Variants in VAT1 observed in about 807,000 individuals in gnomAD.
VAT1 encodes NADPH-dependent quinone oxidoreductase VAT1.
VAT1 carries 24 observed loss-of-function variants against 33.3 expected under a neutral mutation model. The ratio of observed to expected loss-of-function variants is 0.72; its 90% CI spans 0.52 to 1.01. The LOEUF (loss-of-function observed/expected upper bound fraction) is 1.01, where lower values mean the gene tolerates loss of function less well. Ranked by LOEUF, VAT1 falls within the 50% of genes least tolerant of loss-of-function variation. The pLI, the probability that VAT1 is intolerant of heterozygous loss-of-function variation, is 0.00. For synonymous variants in VAT1, 212 were observed against 225.0 expected (o/e 0.94, Z 0.52); for missense variants, 436 against 533.7 (o/e 0.82, Z 1.80).
intron 1 of VAT1, among the ~76,000 whole-genome samples, chr17:43,019,717 G>T (rs2050550971): frequency 6.6e-6 from 1 of 152,284 alleles, no homozygotes; most frequent in Middle Eastern, 3.4e-3. Context: ...TCAAGGGAAG[G>T]GCAGGGAAAA....
At chr17:43,018,520 C>T in intron 2 of VAT1, 72 bp downstream of exon 2, 2 of 1,539,806 alleles carry the variant, frequency 1.3e-6, no homozygotes, top group Admixed American at 1.8e-5. Context: ...ACAACCCAGA[C>T]AGGCTGCAGG....
At chr17:43,017,582 C>A (rs79475875) in intron 4 of VAT1, among the ~76,000 whole-genome samples, 8 of 66,462 alleles carry the variant, frequency 1.2e-4, no homozygotes, top group Admixed American at 3.5e-4. Context: ...AACTCCATCT[C>A]AAAAAAAAAA....
In VAT1 at chr17:43,022,191, C is replaced by T. The variant is rs61737611; in HGVS notation, c.132G>A (p.Ser44=). Residue 44 remains serine, a synonymous_variant, in exon 1 of 6, where the codon TCG becomes TCA. Transcript: ENST00000355653. ...ASEGAAAAAA[S]PPLLRCLVLT... is the part of the protein sequence containing the mutation. ...GCACTAGGCAGCGCAGCAGTGGCGG[C>T]GAGGCGGCGGCGGCGGCGGCCCCTT... is the stretch of plus-strand genomic sequence containing the variant. The T allele has an allele frequency of 2.0e-3, 3,072 of 1,557,324 alleles. 46 individuals are homozygous for T. In the African/African-American group the frequency reaches 0.037, roughly 19 times the overall value.
rs749463017 is a variant in VAT1 at position 43,016,444 on chromosome 17, G to A, written c.961C>T (p.Arg321Trp). The A allele has an allele frequency of 2.0e-5, 33 of 1,614,050 alleles. No individual in the cohort carries two copies. The highest frequency in any genetic ancestry group is 1.8e-4 in the Admixed American group (11 of 60,004). Residue 321 changes from arginine to tryptophan, a missense_variant, in exon 5 of 6, where the codon CGG becomes TGG. This residue lies in a region of VAT1 where 282 missense variants were observed against 405.4 expected (regional missense o/e 0.70). Coordinates refer to ENST00000355653, the MANE Select transcript of VAT1 (RefSeq NM_006373.4). The stretch of plus-strand genomic sequence containing the variant: ...CCCAGGTGGAAGCCACACACAGCCC[G>A]GTTGGCCTGCAGCAGCTGCAGAGCT... ...VTALQLLQAN[R>W]AVCGFHLGYL... is the part of the protein sequence containing the mutation.
At chr17:43,016,874 C>G (rs2050524716) in intron 4 of VAT1, among the ~76,000 whole-genome samples, 1 of 151,114 alleles carries the variant, frequency 6.6e-6, no homozygotes, top group Admixed American at 6.6e-5. Flanking sequence ...CGAAAATTAG[C>G]CAGGTGTTGG....
intron 4 of VAT1, 28 bp downstream of exon 4, chr17:43,017,813 T>C: frequency 6.2e-7 from 1 of 1,609,158 alleles, no homozygotes; most frequent in African/African-American, 1.3e-5. Context: ...CCTCACATGC[T>C]CTCTCCATCC....
At chr17:43,021,781 C>A (rs913112928) in intron 1 of VAT1, among the ~76,000 whole-genome samples, 155 bp downstream of exon 1, 3 of 152,188 alleles carry the variant, frequency 2.0e-5, no homozygotes, top group Non-Finnish European at 2.9e-5. Flanking sequence ...CTCCAGGAGC[C>A]CCCAAACACA....
In VAT1 at chr17:43,015,856, C is replaced by T. The variant is rs1341566359; in HGVS notation, c.*205G>A. ...CCCTCCCTGTCGCCTTGGCAGGGCC[C>T]AGACATCCAAATGGTCACTTCCCAA... On this transcript the variant is annotated 3_prime_UTR_variant, in exon 6 of 6. Coordinates refer to ENST00000355653, the MANE Select transcript of VAT1 (RefSeq NM_006373.4). The T allele has an allele frequency of 3.1e-6, 2 of 650,796 alleles. No individual in the cohort carries two copies. Among genetic ancestry groups the T allele is most frequent in the Non-Finnish European group, 5.4e-6 (2 of 370,190 alleles). The allele number at this position is 650,796 out of a possible 1,614,324, so 40.3% of individuals were successfully genotyped here.
rs1157434325 is a variant in VAT1 at position 43,015,701 on chromosome 17, C to T, written c.*360G>A. On this transcript the variant is annotated 3_prime_UTR_variant, in exon 6 of 6. Transcript: ENST00000355653. ...CTTTGGGGAGGTGGCGGGGCAGGGA[C>T]GGGAGGAAAGATGAGGCAGAGGTGA... 9 of 284,292 alleles carry T rather than the reference C, an allele frequency of 3.2e-5. No homozygotes were observed. The highest frequency in any genetic ancestry group is 1.5e-4 in the African/African-American group (7 of 45,442). 17.6% of individuals were successfully genotyped at this position (284,292 alleles called of 1,614,324 possible).
chr17:43,021,511 C>A (rs2151972049), intron 1 of VAT1, among the ~76,000 whole-genome samples: 1 of 151,612 alleles, frequency 6.6e-6, no homozygotes, highest in African/African-American at 2.4e-5. Context: ...CCCTCAAGCT[C>A]CCTCGGGGAA....
At chr17:43,016,682 A>T (rs2050523250) in intron 4 of VAT1, 134 bp from the exon 5 acceptor site, 1 of 1,389,704 alleles carries the variant, frequency 7.2e-7, no homozygotes, top group African/African-American at 1.4e-5. Flanking sequence ...ATAATTCTCA[A>T]ACTGCTGGTT....
intron 1 of VAT1, chr17:43,019,152 G>T (rs897514381): frequency 2.4e-5 from 6 of 246,748 alleles, no homozygotes; most frequent in Admixed American, 1.0e-4. Context: ...AGGGCAGCAT[G>T]AAGTATTGTG....
At position 43,020,744 on chromosome 17, in the gene VAT1, G is replaced by A. The variant is rs546427429; in HGVS notation, c.387+1192C>T. Reference sequence around the variant, plus strand: ...TACAAAATTAGCCAGGCATGGTGGCGCATGCCTGTAATCCCAGCTACTCGA... The same window carrying A: ...TACAAAATTAGCCAGGCATGGTGGCACATGCCTGTAATCCCAGCTACTCGA... On this transcript the variant is annotated intron_variant, in intron 1 of 5. Coordinates refer to ENST00000355653, the MANE Select transcript of VAT1 (RefSeq NM_006373.4). Among the ~76,000 whole-genome samples, 6 of 151,844 alleles carry A rather than the reference G, an allele frequency of 4.0e-5. No homozygotes were observed. In the South Asian group the frequency reaches 6.3e-4, roughly 16 times the overall value.
Position 43,018,016 on chromosome 17 carries a change from T to A in VAT1, c.766+20A>T, listed in dbSNP as rs2050535273. The A allele has an allele frequency of 1.9e-6, 3 of 1,578,216 alleles. No individual in the cohort carries two copies. Among genetic ancestry groups the A allele is most frequent in the African/African-American group, 1.4e-5 (1 of 73,502 alleles). On this transcript the variant is annotated intron_variant, in intron 3 of 5. Transcript: ENST00000355653. ...CCCTGTCCTGTGCCTCCCTACCCCC[T>A]CCCATATTATGCCCCCCACCTTTAG...
At chr17:43,021,850 C>T in intron 1 of VAT1, 86 bp downstream of exon 1, 1 of 1,538,546 alleles carries the variant, frequency 6.5e-7, no homozygotes, top group East Asian at 2.4e-5. Flanking sequence ...TTTCTCCCGC[C>T]CTGCCACACC....
At chr17:43,017,573 A>T (rs1401362606) in intron 4 of VAT1, among the ~76,000 whole-genome samples, 12 of 118,750 alleles carry the variant, frequency 1.0e-4, no homozygotes, top group African/African-American at 3.3e-4. Flanking sequence ...CAAGAGCGAA[A>T]CTCCATCTCA....
rs570053454 is a variant in VAT1, at chr17:43,017,497, C to T, written c.856+344G>A. On this transcript the variant is annotated intron_variant, in intron 4 of 5. Transcript: ENST00000355653. ...ACTCGGGAGGGTGAGGCAGGAGAAT[C>T]GCTTGAACCCAGGAGGCAGAGGTTG... 5.3e-3 allele frequency among the ~76,000 whole-genome samples: 767 copies of T among 145,832 alleles called. 3 individuals carry two copies. The highest frequency in any genetic ancestry group is 8.6e-3 in the Non-Finnish European group (576 of 67,272).
At chr17:43,020,666 T>C (rs955817656) in intron 1 of VAT1, among the ~76,000 whole-genome samples, 8 of 151,616 alleles carry the variant, frequency 5.3e-5, no homozygotes, top group Admixed American at 1.3e-4. Context: ...TCACCTGAGG[T>C]CGGGAGTTCG....
At position 43,018,743 on chromosome 17, in the gene VAT1, A is replaced by G; in HGVS notation, c.444T>C (p.Thr148=). The G allele has an allele frequency of 6.2e-7, 1 of 1,614,146 alleles. No individual in the cohort carries two copies. Among genetic ancestry groups the G allele is most frequent in the Non-Finnish European group, 8.5e-7 (1 of 1,180,030 alleles). ...NRSGMWQEEV[T]VPSVQTFLIP... Reference sequence around the variant, plus strand: ...TCAGGAAGGTCTGGACCGAGGGCACAGTCACCTCTTCCTGCCACATCCCTG... The same window carrying G: ...TCAGGAAGGTCTGGACCGAGGGCACGGTCACCTCTTCCTGCCACATCCCTG... Residue 148 remains threonine (T), a synonymous_variant, in exon 2 of 6, where the codon ACT becomes ACC. Coordinates refer to ENST00000355653, the MANE Select transcript of VAT1 (RefSeq NM_006373.4).
Sources: allele counts gnomAD v4.1 joint callset (sites outside exome capture counted in the v4.1 genomes callset), GRCh38; gene constraint gnomAD v4.1.1; regional missense constraint gnomAD v4.1.1; transcripts MANE v1.5; gene names NCBI Gene and HGNC (gene_info 2026-07-23, HGNC 2026-07-21).